Variants in CLCC1 observed in about 807,000 individuals in gnomAD.
The protein encoded by CLCC1 is chloride channel CLIC like 1.
A neutral mutation model predicts 63.3 loss-of-function variants in CLCC1; 39 were observed. The observed-to-expected ratio is 0.62, with a 90% CI of 0.48 to 0.81. The LOEUF is 0.81. Ranked by LOEUF, CLCC1 falls within the 30% of genes least tolerant of loss-of-function variation. CLCC1 has a pLI of 0.00. For missense variants in CLCC1, 549 were observed against 669.4 expected, an observed-to-expected ratio of 0.82 and a Z score of 1.98; for synonymous variants, 217 against 239.8, an observed-to-expected ratio of 0.90 and a Z score of 0.88.
chr1:108,937,854 A>G (rs186854066), intron 10 of CLCC1, among the ~76,000 whole-genome samples: 39 of 152,386 alleles, frequency 2.6e-4, no homozygotes, highest in African/African-American at 9.4e-4. Context: ...CTTAAGTTAC[A>G]GCTAAAATTC....
intron 2 of CLCC1, among the ~76,000 whole-genome samples, chr1:108,951,225 C>T (rs552130572): frequency 5.9e-4 from 90 of 152,050 alleles, no homozygotes; most frequent in African/African-American, 2.1e-3. Flanking sequence ...AAAAAAATAA[C>T]CAAAAAATTA....
chr1:108,935,634 T>C (rs1016358995), intron 11 of CLCC1, among the ~76,000 whole-genome samples: 2 of 152,130 alleles, frequency 1.3e-5, no homozygotes, highest in African/African-American at 4.8e-5. Flanking sequence ...GGCATGGTCG[T>C]ATATGCCTAT....
At chr1:108,952,327 G>A (rs946726943) in intron 2 of CLCC1, among the ~76,000 whole-genome samples, 1 of 151,950 alleles carries the variant, frequency 6.6e-6, no homozygotes, top group Non-Finnish European at 1.5e-5. Flanking sequence ...TACAGGCATG[G>A]GCCACCATAC....
At position 108,929,510 on chromosome 1, in the gene CLCC1, G is replaced by T; in HGVS notation, c.*3037C>A. The T allele has an allele frequency of 1.6e-6, 1 of 623,110 alleles. No individual in the cohort carries two copies. Among genetic ancestry groups the T allele is most frequent in the Non-Finnish European group, 2.8e-6 (1 of 356,162 alleles). 38.6% of individuals were successfully genotyped at this position (623,110 alleles called of 1,614,324 possible). On this transcript the variant is annotated 3_prime_UTR_variant, in exon 13 of 13. Transcript: ENST00000369969. ...AAAGGAAAAATTTTATGCAGTTTCA[G>T]GTTTAAAGATTATTTCTTTCAGAAA...
intron 2 of CLCC1, among the ~76,000 whole-genome samples, chr1:108,951,368 TGG>T (rs1655160612): frequency 6.6e-6 from 1 of 152,080 alleles, no homozygotes; most frequent in Admixed American, 6.6e-5. Context: ...GGTGACAGAG[TGG>T]GACCCCCATC....
chr1:108,949,780 A>G, intron 4 of CLCC1, 40 bp downstream of exon 4: 2 of 1,058,182 alleles, frequency 1.9e-6, no homozygotes, highest in Non-Finnish European at 2.7e-6. Context: ...GCGATTTAAC[A>G]TAATATAAAA....
chr1:108,932,508 TGAAA>T lies in CLCC1; in HGVS notation c.*46-11_*46-8del, dbSNP rs1444740537. The stretch of plus-strand genomic sequence containing the variant: ...TTCATCCCCAAATGGATATCTGTAA[TGAAA>T]GAATACAAAGGTGAAATTTTATTTA... On this transcript the variant is annotated splice_region_variant and splice_polypyrimidine_tract_variant and intron_variant, in intron 12 of 12. Coordinates refer to ENST00000369969, the MANE Select transcript of CLCC1 (RefSeq NM_001377458.1). 1.3e-5 allele frequency: 2 copies of T among 152,204 alleles called. No homozygotes were observed. Among genetic ancestry groups the T allele is most frequent in the Non-Finnish European group, 2.9e-5 (2 of 68,038 alleles). The allele number at this position is 152,204 out of a possible 1,614,324, so 9.4% of individuals were successfully genotyped here. A position where few individuals can be genotyped will look rare whatever the true frequency, so the allele number is the denominator to read the frequency against.
Position 108,944,053 on chromosome 1 carries a change from T to C in CLCC1, c.344A>G (p.Asp115Gly). The change falls in exon 6 of 13, where the codon GAT (aspartate) becomes GGT (glycine). Residue 115 changes from aspartate (D) to glycine (G), a missense_variant. Transcript: ENST00000369969. ...LIEAGKLGLP[D>G]ENKGDMHYDA... The stretch of plus-strand genomic sequence containing the variant: ...ATAATGCATATCGCCTTTGTTTTCA[T>C]CAGGCTAAATTAAATTTACCAAAAA... 6.3e-7 allele frequency: 1 copy of C among 1,577,404 alleles called. No homozygotes were observed. The highest frequency in any genetic ancestry group is 8.6e-7 in the Non-Finnish European group (1 of 1,162,830).
At chr1:108,939,306 A>G (rs964748708) in intron 10 of CLCC1, among the ~76,000 whole-genome samples, 1 of 146,106 alleles carries the variant, frequency 6.8e-6, no homozygotes, top group East Asian at 2.0e-4. Context: ...ACATATATGT[A>G]TAATTTTTTT....
Position 108,941,511 on chromosome 1 carries a change from A to G in CLCC1, c.703-13T>C, listed in dbSNP as rs2101645378. 4 of 1,612,396 alleles carry G rather than the reference A, an allele frequency of 2.5e-6. No homozygotes were observed. The South Asian group carries it at 3.3e-5, about 13-fold the overall frequency. On this transcript the variant is annotated splice_polypyrimidine_tract_variant and intron_variant, in intron 7 of 12. Transcript: ENST00000369969. ...GTGCAAAAGCTAGCTGCCCAACACCAAAAGGGAACCAGGAGAGGCCGTTAC... is the reference window on the plus strand; with the variant it reads ...GTGCAAAAGCTAGCTGCCCAACACCGAAAGGGAACCAGGAGAGGCCGTTAC...
chr1:108,943,427 T>C lies in CLCC1; in HGVS notation c.702+48A>G, dbSNP rs367939910. ...CTCAATGGATTAGAGTCTTCTTTCA[T>C]TGTGAATAAATGTGTTAAAATTGTA... is the stretch of plus-strand genomic sequence containing the variant. On this transcript the variant is annotated intron_variant, in intron 7 of 12. Transcript: ENST00000369969. 1.0e-5 allele frequency: 16 copies of C among 1,576,370 alleles called. No individual in the cohort carries two copies. The African/African-American group carries it at 2.0e-4, about 20-fold the overall frequency.
intron 8 of CLCC1, 132 bp from the exon 9 acceptor site, chr1:108,940,274 G>C (rs1653676372): frequency 4.2e-6 from 2 of 481,324 alleles, no homozygotes; most frequent in East Asian, 6.5e-5. Context: ...TAAGTTTTAA[G>C]TAGACTCCCT....
At chr1:108,947,006 A>C (rs180781269) in intron 5 of CLCC1, among the ~76,000 whole-genome samples, 2 of 152,216 alleles carry the variant, frequency 1.3e-5, no homozygotes, top group East Asian at 3.9e-4. Flanking sequence ...TCTACTAAAA[A>C]TACAAAAATT....
rs1651519797 is a variant in CLCC1 at position 108,929,531 on chromosome 1, A to G, written c.*3016T>C. On this transcript the variant is annotated 3_prime_UTR_variant, in exon 13 of 13. Transcript: ENST00000369969. ...TTCAGGTTTAAAGATTATTTCTTTC[A>G]GAAATCAGGCTGGGAACTAAAGAGA... 10 of 658,638 alleles carry G rather than the reference A, an allele frequency of 1.5e-5. No homozygotes were observed. The South Asian group carries it at 1.9e-4, about 13-fold the overall frequency. 40.8% of individuals were successfully genotyped at this position (658,638 alleles called of 1,614,324 possible).
Position 108,944,109 on chromosome 1 carries a change from C to T in CLCC1, c.340-52G>A, listed in dbSNP as rs367901356. The T allele has an allele frequency of 7.6e-6, 10 of 1,320,364 alleles. No individual in the cohort carries two copies. The African/African-American group carries it at 8.9e-5, about 12-fold the overall frequency. 81.8% of individuals were successfully genotyped at this position (1,320,364 alleles called of 1,614,324 possible). A position where few individuals can be genotyped will look rare whatever the true frequency, so the allele number is the denominator to read the frequency against. On this transcript the variant is annotated intron_variant, in intron 5 of 12. Coordinates refer to ENST00000369969, the MANE Select transcript of CLCC1 (RefSeq NM_001377458.1). ...CAATAGAAAGAGAATTTTATTACTA[C>T]TTGGTGAACCATTTTAAGACAAAAG...
rs1487849341 is a variant in CLCC1, at chr1:108,950,307, AC to A, written c.129+1del. On this transcript the variant is annotated splice_donor_variant, in intron 3 of 12. Coordinates refer to ENST00000369969, the MANE Select transcript of CLCC1 (RefSeq NM_001377458.1). LOFTEE classifies it high-confidence loss of function. ...CACACATGCACGAATTTTTTTTAAT[AC>A]CTGAGATTTTCTCATTGTTCCTGAA... 1 of 1,611,414 alleles carries A rather than the reference AC, an allele frequency of 6.2e-7. No homozygotes were observed. Among genetic ancestry groups the A allele is most frequent in the South Asian group, 1.1e-5 (1 of 90,722 alleles).
At chr1:108,940,184 T>C in intron 8 of CLCC1, 42 bp from the exon 9 acceptor site, 1 of 1,364,758 alleles carries the variant, frequency 7.3e-7, no homozygotes, top group South Asian at 1.3e-5. Context: ...TTTCTTTTAA[T>C]GTTGCATTTC....
In CLCC1 at chr1:108,963,343, C is replaced by T. The variant is rs1021974614; in HGVS notation, c.-173+18G>A. 2.4e-5 allele frequency: 17 copies of T among 701,310 alleles called. No individual in the cohort carries two copies. The Admixed American group carries it at 2.8e-4, about 12-fold the overall frequency. The allele number at this position is 701,310 out of a possible 1,614,324, so 43.4% of individuals were successfully genotyped here. On this transcript the variant is annotated intron_variant, in intron 1 of 12. Coordinates refer to ENST00000369969, the MANE Select transcript of CLCC1 (RefSeq NM_001377458.1). ...CCGCCCCACCCGCCGCACAACACAC[C>T]CAACTGCACGGACTCACGTCCGGGA...
chr1:108,946,891 C>T (rs1207022332), intron 5 of CLCC1, among the ~76,000 whole-genome samples: 5 of 151,936 alleles, frequency 3.3e-5, no homozygotes, highest in African/African-American at 9.7e-5. Context: ...TGGCCAGGTG[C>T]GGTGGCTCAC....
Sources: allele counts gnomAD v4.1 joint callset (sites outside exome capture counted in the v4.1 genomes callset), GRCh38; gene constraint gnomAD v4.1.1; transcripts MANE v1.5; gene names NCBI Gene and HGNC (gene_info 2026-07-23, HGNC 2026-07-21).